Variants in DSCAM observed in about 807,000 individuals in gnomAD.
DSCAM encodes cell adhesion molecule DSCAM.
A neutral mutation model predicts 217.7 loss-of-function variants in DSCAM; 47 were observed. That is an observed-to-expected ratio of 0.22 (90% CI 0.17 to 0.28). The LOEUF (loss-of-function observed/expected upper bound fraction) is 0.28, where lower values mean the gene tolerates loss of function less well. DSCAM is among the 10% of genes least tolerant of loss of function. The pLI is 1.00. For missense variants in DSCAM, 2,080 were observed against 2,618.3 expected (o/e 0.79, Z 4.49); for synonymous variants, 1,056 against 1,015.3 (o/e 1.04, Z -0.76).
intron 29 of DSCAM, among the ~76,000 whole-genome samples, chr21:40,054,930 G>T (rs923860548): frequency 6.6e-6 from 1 of 152,210 alleles, no homozygotes; most frequent in Admixed American, 6.5e-5. Context: ...TGCACACGAA[G>T]TGCTTATAAA....
chr21:40,474,800 T>C (rs2145974969), intron 3 of DSCAM, among the ~76,000 whole-genome samples: 1 of 152,294 alleles, frequency 6.6e-6, no homozygotes, highest in Non-Finnish European at 1.5e-5. Flanking sequence ...GGGCAGTCCG[T>C]GTCCATTAGA....
chr21:40,411,618 C>A (rs2075324021), intron 3 of DSCAM, among the ~76,000 whole-genome samples: 1 of 152,060 alleles, frequency 6.6e-6, no homozygotes, highest in Non-Finnish European at 1.5e-5. Context: ...AAACACTACT[C>A]AACATAAGTT....
intron 3 of DSCAM, among the ~76,000 whole-genome samples, chr21:40,607,699 C>T (rs2089259501): frequency 6.6e-6 from 1 of 152,144 alleles, no homozygotes; most frequent in Admixed American, 6.5e-5. Flanking sequence ...ATTCACTTGG[C>T]TCTCATTCTC....
intron 17 of DSCAM, 73 bp from the exon 18 acceptor site, chr21:40,142,777 G>A (rs1175122755): frequency 7.3e-6 from 11 of 1,498,030 alleles, no homozygotes; most frequent in South Asian, 5.4e-5. Flanking sequence ...AAAAAGCAAC[G>A]TATTTTAATA....
At chr21:40,665,450 T>C (rs1396319840) in intron 3 of DSCAM, among the ~76,000 whole-genome samples, 1 of 152,220 alleles carries the variant, frequency 6.6e-6, no homozygotes. Context: ...CCACTGCACC[T>C]GTTCCCCTTG....
chr21:40,766,127 G>A lies in DSCAM; in HGVS notation c.44-57356C>T, dbSNP rs558258268. Among the ~76,000 whole-genome samples the A allele has an allele frequency of 1.2e-4, 18 of 152,170 alleles. 1 individual carries two copies. Among genetic ancestry groups the A allele is most frequent in the Admixed American group, 5.9e-4 (9 of 15,280 alleles). ...CGGCCGTTTCCCTCCTCTCAGCTCC[G>A]TCAACTAGCAAAAGGGGTTGGGGGT... On this transcript the variant is annotated intron_variant, in intron 1 of 32. Transcript: ENST00000400454.
chr21:40,185,925 C>T (rs537408440), intron 14 of DSCAM, among the ~76,000 whole-genome samples: 15 of 152,242 alleles, frequency 9.9e-5, no homozygotes, highest in African/African-American at 3.1e-4. Context: ...TCCAATCAAC[C>T]CCGGAAGGCC....
intron 11 of DSCAM, among the ~76,000 whole-genome samples, chr21:40,236,924 T>C (rs2073088143): frequency 6.6e-6 from 1 of 152,164 alleles, no homozygotes; most frequent in African/African-American, 2.4e-5. Flanking sequence ...CTTCTGACAA[T>C]GACTGAACAA....
chr21:40,497,308 GAA>G (rs2076126815), intron 3 of DSCAM, among the ~76,000 whole-genome samples: 1 of 152,110 alleles, frequency 6.6e-6, no homozygotes, highest in African/African-American at 2.4e-5. Flanking sequence ...TATAAAAAAG[GAA>G]ATTCTGTCAT....
At chr21:40,765,272 T>C (rs1039025261) in intron 1 of DSCAM, among the ~76,000 whole-genome samples, 2 of 152,122 alleles carry the variant, frequency 1.3e-5, no homozygotes, top group African/African-American at 4.8e-5. Flanking sequence ...CATGCCCAAT[T>C]CCTTGCGCAG....
At chr21:40,323,594 T>C (rs1431165146) in intron 8 of DSCAM, among the ~76,000 whole-genome samples, 2 of 152,156 alleles carry the variant, frequency 1.3e-5, no homozygotes, top group East Asian at 1.9e-4. Flanking sequence ...TTAAAAAAAA[T>C]GCTGTGTTTG....
At chr21:40,097,954 A>AAAAAAAAAG (rs1555877400) in intron 20 of DSCAM, among the ~76,000 whole-genome samples, 3 of 51,516 alleles carry the variant, frequency 5.8e-5, no homozygotes, top group African/African-American at 1.6e-4. Flanking sequence ...AAAAAAAAAA[A>AAAAAAAAAG]AAAGAAAGAA....
At chr21:40,624,106 CAG>C (rs1568945270) in intron 3 of DSCAM, among the ~76,000 whole-genome samples, 1 of 152,144 alleles carries the variant, frequency 6.6e-6, no homozygotes, top group African/African-American at 2.4e-5. Context: ...TCCTGCCTAA[CAG>C]GGACATTCTT....
chr21:40,109,318 C>T (rs181372882), intron 20 of DSCAM, among the ~76,000 whole-genome samples: 129 of 152,238 alleles, frequency 8.5e-4, no homozygotes, highest in South Asian at 2.3e-3. Flanking sequence ...ATAAACAATC[C>T]GATAAAACGT....
intron 3 of DSCAM, among the ~76,000 whole-genome samples, chr21:40,675,452 C>T (rs1216759217): frequency 2.0e-5 from 3 of 152,182 alleles, no homozygotes; most frequent in African/African-American, 7.2e-5. Flanking sequence ...TGTAGAGTCC[C>T]TCCTATAGAA....
At chr21:40,416,089 T>A (rs755966210) in intron 3 of DSCAM, among the ~76,000 whole-genome samples, 1 of 152,152 alleles carries the variant, frequency 6.6e-6, no homozygotes, top group East Asian at 1.9e-4. Context: ...CACTTGGACA[T>A]GATGTGAAAA....
chr21:40,205,566 G>A (rs761425665), intron 11 of DSCAM, among the ~76,000 whole-genome samples: 8 of 145,578 alleles, frequency 5.5e-5, no homozygotes, highest in Non-Finnish European at 1.2e-4. Flanking sequence ...TTGCACCATT[G>A]CACTCCAGCT....
chr21:40,299,004 C>T (rs76163500), intron 9 of DSCAM, among the ~76,000 whole-genome samples: 3,553 of 152,080 alleles, frequency 0.023, 59 homozygotes, highest in Non-Finnish European at 0.034. Context: ...TCATTGAAAA[C>T]TGTTTCTGAC....
intron 3 of DSCAM, among the ~76,000 whole-genome samples, chr21:40,478,802 C>T (rs2075958858): frequency 6.6e-6 from 1 of 152,142 alleles, no homozygotes; most frequent in Non-Finnish European, 1.5e-5. Flanking sequence ...AGTACTGAAT[C>T]CTTTATATGC....
Sources: gnomAD v4.1 joint callset for allele counts (sites outside exome capture counted in the v4.1 genomes callset) on GRCh38, gnomAD v4.1.1 for gene constraint, MANE v1.5 for transcripts, NCBI Gene and HGNC (gene_info 2026-07-23, HGNC 2026-07-21) for gene names.